Variants in BLTP2 observed in about 807,000 individuals in gnomAD.
The protein encoded by BLTP2 is U937-associated antigen.
the BLTP2 span, chr17:28,623,753 G>A: frequency 1.2e-6 from 2 of 1,613,460 alleles, no homozygotes; most frequent in Non-Finnish European, 1.7e-6. Context: ...CAAACTCACT[G>A]ACTAACCTCT....
At chr17:28,634,732 C>A in the BLTP2 span, 13 of 1,614,100 alleles carry the variant, frequency 8.1e-6, no homozygotes, top group East Asian at 2.0e-4. Context: ...GCCATAGAGA[C>A]GACGGGAACG....
chr17:28,623,190 A>G, the BLTP2 span, among the ~76,000 whole-genome samples: 2 of 152,200 alleles, frequency 1.3e-5, no homozygotes, highest in Admixed American at 1.3e-4. Flanking sequence ...ATAAAGCTTT[A>G]TATTTTCAAA....
chr17:28,616,355 TATC>T, the BLTP2 span: 23 of 1,613,998 alleles, frequency 1.4e-5, no homozygotes, highest in Non-Finnish European at 1.9e-5. This position sits in a 1 kb window ranked among gnomAD's most constrained non-coding sequence, Gnocchi z 4.8. Context: ...CCCATTTTTC[TATC>T]ATCAGGGGCA....
chr17:28,639,084 T>C, the BLTP2 span: 3 of 545,540 alleles, frequency 5.5e-6, no homozygotes, highest in Non-Finnish European at 3.2e-6. Context: ...ACATTTATTT[T>C]GTATAAAACA....
At chr17:28,614,842 C>T in the BLTP2 span, 1 of 465,418 alleles carries the variant, frequency 2.1e-6, no homozygotes, top group South Asian at 4.2e-5. Flanking sequence ...GGGTCTTGCT[C>T]TCTTGTTGCC....
chr17:28,637,292 T>C, the BLTP2 span: 1 of 773,478 alleles, frequency 1.3e-6, no homozygotes, highest in Admixed American at 2.3e-5. Flanking sequence ...CTAAGTTCAT[T>C]TCTTAGGTTT....
At chr17:28,616,927 G>A in the BLTP2 span, 8 of 1,614,028 alleles carry the variant, frequency 5.0e-6, no homozygotes, top group Non-Finnish European at 5.9e-6. The surrounding 1 kb of genome is among the most constrained non-coding windows in gnomAD (Gnocchi z 4.8). Flanking sequence ...CCAACAGGGG[G>A]CCGAACTTTG....
the BLTP2 span, chr17:28,634,015 T>C: frequency 1.9e-6 from 3 of 1,614,142 alleles, no homozygotes; most frequent in Non-Finnish European, 2.5e-6. Context: ...CTCTGCTCGG[T>C]GCCCACAAGT....
At chr17:28,631,711 C>G in the BLTP2 span, 1 of 1,611,892 alleles carries the variant, frequency 6.2e-7, no homozygotes, top group South Asian at 1.1e-5. Flanking sequence ...AGAGACCATG[C>G]TGACCAGTTC....
At chr17:28,628,372 T>G in the BLTP2 span, 6 of 1,614,104 alleles carry the variant, frequency 3.7e-6, no homozygotes, top group Non-Finnish European at 5.1e-6. Context: ...GGCTGGCATC[T>G]GTGGATCAAT....
At chr17:28,620,484 GCATT>G in the BLTP2 span, 1 of 1,613,012 alleles carries the variant, frequency 6.2e-7, no homozygotes, top group Non-Finnish European at 8.5e-7. Flanking sequence ...AGGCTAACCA[GCATT>G]CTACAAGGGC....
chr17:28,624,046 GGTCTAATGC>G, the BLTP2 span: 1 of 1,404,126 alleles, frequency 7.1e-7, no homozygotes, highest in Non-Finnish European at 9.9e-7. Flanking sequence ...ACTGCAGCTA[GGTCTAATGC>G]TGGCTTACCA....
At chr17:28,620,954 G>C in the BLTP2 span, 1 of 1,585,052 alleles carries the variant, frequency 6.3e-7, no homozygotes, top group Non-Finnish European at 8.7e-7. Context: ...AATTTCTCTA[G>C]TCCCTTCCTA....
At chr17:28,614,953 G>T in the BLTP2 span, 1 of 996,474 alleles carries the variant, frequency 1.0e-6, no homozygotes, top group Non-Finnish European at 1.5e-6. Flanking sequence ...ATGCCTATGG[G>T]CTCTGACACC....
At chr17:28,620,764 C>G in the BLTP2 span, 1 of 1,057,080 alleles carries the variant, frequency 9.5e-7, no homozygotes, top group Non-Finnish European at 1.4e-6. Flanking sequence ...TGGGCAGAAA[C>G]ATGTTTACTT....
the BLTP2 span, among the ~76,000 whole-genome samples, chr17:28,622,246 G>A: frequency 6.6e-6 from 1 of 152,182 alleles, no homozygotes. Flanking sequence ...CTGATAAAGA[G>A]CACTGCTTGT....
chr17:28,635,114 A>G, the BLTP2 span: 1 of 1,613,768 alleles, frequency 6.2e-7, no homozygotes, highest in Non-Finnish European at 8.5e-7. Flanking sequence ...AACTCCACCG[A>G]GACTGAGCCG....
the BLTP2 span, chr17:28,645,083 C>A: frequency 1.3e-6 from 2 of 1,560,532 alleles, no homozygotes; most frequent in East Asian, 2.4e-5. Context: ...CCCGGCTTGG[C>A]CCCGGCCCCC....
chr17:28,639,951 A>T, the BLTP2 span: 2 of 1,614,078 alleles, frequency 1.2e-6, no homozygotes, highest in Non-Finnish European at 1.7e-6. Flanking sequence ...GTTTGCTGTG[A>T]AGCTTCGAAG....
Sources: gnomAD v4.1 joint callset for allele counts (sites outside exome capture counted in the v4.1 genomes callset) on GRCh38, gnomAD v4.1.1 for gene constraint, Gnocchi (gnomAD v3.1) non-coding constraint, MANE v1.5 for transcripts, NCBI Gene and HGNC (gene_info 2026-07-23, HGNC 2026-07-21) for gene names.